C1orf122: variants seen among roughly 807,000 people sequenced by gnomAD.
C1orf122 encodes the protein chromosome 1 open reading frame 122.
C1orf122 carries 12 observed loss-of-function variants against 12.9 expected under a neutral mutation model. That is an observed-to-expected ratio of 0.93 (90% CI 0.60 to 1.51). C1orf122 has a LOEUF of 1.51. Ranked by LOEUF, C1orf122 falls within the 40% of genes most tolerant of loss-of-function variation. C1orf122 has a pLI of 0.00. For missense variants in C1orf122, 144 were observed against 162.1 expected (o/e 0.89, Z 0.61); for synonymous variants, 57 against 73.4 (o/e 0.78, Z 1.14).
chr1:37,809,007 C>T lies in C1orf122; in HGVS notation c.267C>T (p.Pro89=), dbSNP rs145813242. ...GNVSAKPGAP[P]QPAVSARGGF... The stretch of plus-strand genomic sequence containing the variant: ...TCTCAGCCAAACCTGGAGCGCCCCC[C>T]CAGCCGGCTGTCTCCGCCAGAGGCG... Residue 89 remains proline (P), a synonymous_variant, in exon 3 of 3, where the codon CCC becomes CCT. Transcript: ENST00000373042. The T allele has an allele frequency of 1.9e-6, 3 of 1,613,814 alleles. No homozygotes were observed. The highest frequency in any genetic ancestry group is 3.3e-5 in the Admixed American group (2 of 60,030).
rs1007454678 is a variant in C1orf122, at chr1:37,808,113, C to G, written c.-292C>G. ...GCGACCGCTCCGGGAGCCAGCAGGC[C>G]CCTCGCTCAACCCCACGCTGGCAGC... On this transcript the variant is annotated 5_prime_UTR_variant, in exon 1 of 3. Transcript: ENST00000373042. 1 of 1,451,790 alleles carries G rather than the reference C, an allele frequency of 6.9e-7. No homozygotes were observed. Among genetic ancestry groups the G allele is most frequent in the African/African-American group, 1.5e-5 (1 of 67,826 alleles). 89.9% of individuals were successfully genotyped at this position (1,451,790 alleles called of 1,614,324 possible).
In C1orf122 at chr1:37,808,459, G is replaced by A; in HGVS notation, c.35+20G>A. The A allele has an allele frequency of 1.6e-6, 2 of 1,278,366 alleles. No individual in the cohort carries two copies. Among genetic ancestry groups the A allele is most frequent in the Non-Finnish European group, 2.0e-6 (2 of 1,013,690 alleles). 79.2% of individuals were successfully genotyped at this position (1,278,366 alleles called of 1,614,324 possible). A position where few individuals can be genotyped will look rare whatever the true frequency, so the allele number is the denominator to read the frequency against. On this transcript the variant is annotated intron_variant, in intron 1 of 2. Coordinates refer to ENST00000373042, the MANE Select transcript of C1orf122 (RefSeq NM_198446.3). ...ACGGGGGTGAGAGGGGGCCCGTCGG[G>A]GCGGGAGGAAGGGGCTTGGCCCCGC...
rs538389239 is a variant in C1orf122 at position 37,808,165 on chromosome 1, G to A, written c.-240G>A. On this transcript the variant is annotated 5_prime_UTR_variant, in exon 1 of 3. Coordinates refer to ENST00000373042, the MANE Select transcript of C1orf122 (RefSeq NM_198446.3). ...ACCGCGGCCCTCATCCCCCTGCACC[G>A]ACGCGCCGGAGACATCCGCCCAGGC... 4.2e-5 allele frequency: 61 copies of A among 1,458,046 alleles called. No individual in the cohort carries two copies. The African/African-American group carries it at 7.6e-4, about 18-fold the overall frequency. 90.3% of individuals were successfully genotyped at this position (1,458,046 alleles called of 1,614,324 possible). A position where few individuals can be genotyped will look rare whatever the true frequency, so the allele number is the denominator to read the frequency against.
At position 37,808,232 on chromosome 1, in the gene C1orf122, C is replaced by A; in HGVS notation, c.-173C>A. 1.4e-6 allele frequency: 2 copies of A among 1,379,316 alleles called. No homozygotes were observed. The highest frequency in any genetic ancestry group is 1.6e-5 in the South Asian group (1 of 63,274). 85.4% of individuals were successfully genotyped at this position (1,379,316 alleles called of 1,614,324 possible). On this transcript the variant is annotated 5_prime_UTR_variant, in exon 1 of 3. Coordinates refer to ENST00000373042, the MANE Select transcript of C1orf122 (RefSeq NM_198446.3). Reference sequence around the variant, plus strand: ...GTGACGCTCCCAGCCAGCTTCCGGTCCAGGAGACTCGGCCCCGCCTCTGCG... The same window carrying A: ...GTGACGCTCCCAGCCAGCTTCCGGTACAGGAGACTCGGCCCCGCCTCTGCG...
rs1228773127 is a variant in C1orf122, at chr1:37,808,513, T to A, written c.36-18T>A. The A allele has an allele frequency of 1.6e-6, 2 of 1,288,614 alleles. No homozygotes were observed. The highest frequency in any genetic ancestry group is 3.1e-5 in the African/African-American group (2 of 64,624). The allele number at this position is 1,288,614 out of a possible 1,614,324, so 79.8% of individuals were successfully genotyped here. ...AGCGCCGGCCCTGACCGTCTGTCTC[T>A]CGCTCTCTCCCGGGCAGGGAGGCTG... On this transcript the variant is annotated intron_variant, in intron 1 of 2. Transcript: ENST00000373042.
Position 37,807,817 on chromosome 1 carries a change from G to C in C1orf122, c.-588G>C, listed in dbSNP as rs74441145. On this transcript the variant is annotated 5_prime_UTR_variant, in exon 1 of 3. Coordinates refer to ENST00000373042, the MANE Select transcript of C1orf122 (RefSeq NM_198446.3). ...CTGTAGACGTCGGCCACGCGGCCGA[G>C]GCATACGGCCAGAGGCTTGGCCTCG... 3.4e-5 allele frequency: 51 copies of C among 1,512,032 alleles called. No individual in the cohort carries two copies. In the East Asian group the frequency reaches 1.0e-3, roughly 31 times the overall value. The allele number at this position is 1,512,032 out of a possible 1,614,324, so 93.7% of individuals were successfully genotyped here. A position where few individuals can be genotyped will look rare whatever the true frequency, so the allele number is the denominator to read the frequency against.
Position 37,809,360 on chromosome 1 carries a change from G to A in C1orf122, c.*287G>A, listed in dbSNP as rs1640658620. ...GGTCTGGCCTGCTATGGGGGATCCAGGTGGTGTTACATGTCCATTTCATGT... is the reference window on the plus strand; with the variant it reads ...GGTCTGGCCTGCTATGGGGGATCCAAGTGGTGTTACATGTCCATTTCATGT... On this transcript the variant is annotated 3_prime_UTR_variant, in exon 3 of 3. Transcript: ENST00000373042. The A allele has an allele frequency of 4.1e-6, 2 of 493,488 alleles. No homozygotes were observed. Among genetic ancestry groups the A allele is most frequent in the East Asian group, 3.8e-5 (1 of 26,376 alleles). The allele number at this position is 493,488 out of a possible 1,614,324, so 30.6% of individuals were successfully genotyped here. A position where few individuals can be genotyped will look rare whatever the true frequency, so the allele number is the denominator to read the frequency against.
Position 37,808,677 on chromosome 1 carries a change from G to A in C1orf122, c.182G>A (p.Cys61Tyr). 1 of 1,418,160 alleles carries A rather than the reference G, an allele frequency of 7.1e-7. No individual in the cohort carries two copies. The highest frequency in any genetic ancestry group is 9.1e-7 in the Non-Finnish European group (1 of 1,097,362). 87.8% of individuals were successfully genotyped at this position (1,418,160 alleles called of 1,614,324 possible). A position where few individuals can be genotyped will look rare whatever the true frequency, so the allele number is the denominator to read the frequency against. The change falls in exon 2 of 3, where the codon TGC becomes TAC. Residue 61 changes from cysteine to tyrosine, a missense_variant. By Grantham distance (194) the Cys-to-Tyr change is radical. Coordinates refer to ENST00000373042, the MANE Select transcript of C1orf122 (RefSeq NM_198446.3). ...CAGCTCCTGGACACCATCGCAGCCT[G>A]CGAGGAGATGTTACGGCAGCTGGGC... ...QRQLLDTIAA[C>Y]EEMLRQLGRR...
chr1:37,808,529 A>G lies in C1orf122; in HGVS notation c.36-2A>G, dbSNP rs1646760801. 4 of 1,300,840 alleles carry G rather than the reference A, an allele frequency of 3.1e-6. No individual in the cohort carries two copies. The allele number at this position is 1,300,840 out of a possible 1,614,324, so 80.6% of individuals were successfully genotyped here. On this transcript the variant is annotated splice_acceptor_variant, in intron 1 of 2. Coordinates refer to ENST00000373042, the MANE Select transcript of C1orf122 (RefSeq NM_198446.3). LOFTEE classifies it high-confidence loss of function. ...GTCTGTCTCTCGCTCTCTCCCGGGC[A>G]GGGAGGCTGCCGGCGTGGACCGCGG...
chr1:37,807,915 G>T lies in C1orf122; in HGVS notation c.-490G>T, dbSNP rs1215012267. Reference sequence around the variant, plus strand: ...CGCCGCGCAGGCCAGGCCGTACAGCGTATCGGTGGGGACGGCCACCACGGC... The same window carrying T: ...CGCCGCGCAGGCCAGGCCGTACAGCTTATCGGTGGGGACGGCCACCACGGC... On this transcript the variant is annotated 5_prime_UTR_variant, in exon 1 of 3. Coordinates refer to ENST00000373042, the MANE Select transcript of C1orf122 (RefSeq NM_198446.3). 7.7e-7 allele frequency: 1 copy of T among 1,301,228 alleles called. No homozygotes were observed. Among genetic ancestry groups the T allele is most frequent in the African/African-American group, 1.5e-5 (1 of 65,538 alleles). The allele number at this position is 1,301,228 out of a possible 1,614,324, so 80.6% of individuals were successfully genotyped here.
In C1orf122 at chr1:37,809,388, T is replaced by C; in HGVS notation, c.*315T>C. ...GGTGTTACATGTCCATTTCATGTTT[T>C]GGGGGCTTTTAGCCCCACAAAACAC... On this transcript the variant is annotated 3_prime_UTR_variant, in exon 3 of 3. Coordinates refer to ENST00000373042, the MANE Select transcript of C1orf122 (RefSeq NM_198446.3). The C allele has an allele frequency of 2.5e-6, 1 of 407,790 alleles. No homozygotes were observed. Among genetic ancestry groups the C allele is most frequent in the East Asian group, 5.4e-5 (1 of 18,392 alleles). The allele number at this position is 407,790 out of a possible 1,614,324, so 25.3% of individuals were successfully genotyped here.
In C1orf122 at chr1:37,808,108, C is replaced by T. The variant is rs1646754597; in HGVS notation, c.-297C>T. On this transcript the variant is annotated 5_prime_UTR_variant, in exon 1 of 3. Coordinates refer to ENST00000373042, the MANE Select transcript of C1orf122 (RefSeq NM_198446.3). ...AAGAGGCGACCGCTCCGGGAGCCAG[C>T]AGGCCCCTCGCTCAACCCCACGCTG... 2.1e-6 allele frequency: 3 copies of T among 1,440,896 alleles called. No individual in the cohort carries two copies. The highest frequency in any genetic ancestry group is 1.4e-5 in the South Asian group (1 of 73,520). 89.3% of individuals were successfully genotyped at this position (1,440,896 alleles called of 1,614,324 possible). A position where few individuals can be genotyped will look rare whatever the true frequency, so the allele number is the denominator to read the frequency against.
Position 37,808,331 on chromosome 1 carries a change from T to C in C1orf122, c.-74T>C. 7.8e-7 allele frequency: 1 copy of C among 1,281,534 alleles called. No individual in the cohort carries two copies. The highest frequency in any genetic ancestry group is 3.1e-5 in the East Asian group (1 of 31,794). The allele number at this position is 1,281,534 out of a possible 1,614,324, so 79.4% of individuals were successfully genotyped here. A position where few individuals can be genotyped will look rare whatever the true frequency, so the allele number is the denominator to read the frequency against. Reference sequence around the variant, plus strand: ...GGTGGGGACGGGGCGGGGCGCAGCCTTGCGAAGCCCTAACGCAGCGCTGGG... The same window carrying C: ...GGTGGGGACGGGGCGGGGCGCAGCCCTGCGAAGCCCTAACGCAGCGCTGGG... On this transcript the variant is annotated 5_prime_UTR_variant, in exon 1 of 3. Transcript: ENST00000373042.
Position 37,808,228 on chromosome 1 carries a change from C to T in C1orf122, c.-177C>T. The T allele has an allele frequency of 7.2e-7, 1 of 1,393,698 alleles. No homozygotes were observed. The highest frequency in any genetic ancestry group is 9.3e-7 in the Non-Finnish European group (1 of 1,077,782). The allele number at this position is 1,393,698 out of a possible 1,614,324, so 86.3% of individuals were successfully genotyped here. A position where few individuals can be genotyped will look rare whatever the true frequency, so the allele number is the denominator to read the frequency against. On this transcript the variant is annotated 5_prime_UTR_variant, in exon 1 of 3. Coordinates refer to ENST00000373042, the MANE Select transcript of C1orf122 (RefSeq NM_198446.3). ...GGAAGTGACGCTCCCAGCCAGCTTC[C>T]GGTCCAGGAGACTCGGCCCCGCCTC...
Position 37,808,745 on chromosome 1 carries a change from C to G in C1orf122, c.237+13C>G. ...GGCTGGTGGCGGGGTTAGTGCCCAC[C>G]CTGGGCTGGGCTGGGGTGGGGTGGG... On this transcript the variant is annotated intron_variant, in intron 2 of 2. Transcript: ENST00000373042. 1 of 1,443,412 alleles carries G rather than the reference C, an allele frequency of 6.9e-7. No individual in the cohort carries two copies. The highest frequency in any genetic ancestry group is 9.0e-7 in the Non-Finnish European group (1 of 1,111,120). The allele number at this position is 1,443,412 out of a possible 1,614,324, so 89.4% of individuals were successfully genotyped here. A position where few individuals can be genotyped will look rare whatever the true frequency, so the allele number is the denominator to read the frequency against.
At position 37,807,801 on chromosome 1, in the gene C1orf122, T is replaced by G. The variant is rs1285201383; in HGVS notation, c.-604T>G. ...GTCGGGGCGGCCTTACCTGTAGACG[T>G]CGGCCACGCGGCCGAGGCATACGGC... On this transcript the variant is annotated 5_prime_UTR_variant, in exon 1 of 3. Transcript: ENST00000373042. 6.6e-7 allele frequency: 1 copy of G among 1,509,148 alleles called. No homozygotes were observed. The highest frequency in any genetic ancestry group is 1.4e-5 in the African/African-American group (1 of 70,808). The allele number at this position is 1,509,148 out of a possible 1,614,324, so 93.5% of individuals were successfully genotyped here.
chr1:37,808,797 G>C (rs919935350), intron 2 of C1orf122, 65 bp downstream of exon 2: 3 of 1,468,828 alleles, frequency 2.0e-6, no homozygotes, highest in African/African-American at 2.8e-5. Context: ...GGCTGGCCAA[G>C]CCCTAGCTTA....
At position 37,808,103 on chromosome 1, in the gene C1orf122, G is replaced by A; in HGVS notation, c.-302G>A. 7.0e-7 allele frequency: 1 copy of A among 1,425,976 alleles called. No homozygotes were observed. The highest frequency in any genetic ancestry group is 9.1e-7 in the Non-Finnish European group (1 of 1,093,862). The allele number at this position is 1,425,976 out of a possible 1,614,324, so 88.3% of individuals were successfully genotyped here. On this transcript the variant is annotated 5_prime_UTR_variant, in exon 1 of 3. Transcript: ENST00000373042. The stretch of plus-strand genomic sequence containing the variant: ...GGCGGAAGAGGCGACCGCTCCGGGA[G>A]CCAGCAGGCCCCTCGCTCAACCCCA...
chr1:37,807,925 G>C lies in C1orf122; in HGVS notation c.-480G>C. On this transcript the variant is annotated 5_prime_UTR_variant, in exon 1 of 3. Coordinates refer to ENST00000373042, the MANE Select transcript of C1orf122 (RefSeq NM_198446.3). ...GCCAGGCCGTACAGCGTATCGGTGG[G>C]GACGGCCACCACGGCGCCGGCGCGC... 1 of 1,269,368 alleles carries C rather than the reference G, an allele frequency of 7.9e-7. No homozygotes were observed. The highest frequency in any genetic ancestry group is 9.9e-7 in the Non-Finnish European group (1 of 1,005,842). The allele number at this position is 1,269,368 out of a possible 1,614,324, so 78.6% of individuals were successfully genotyped here.
Sources: gnomAD v4.1 joint callset for allele counts on GRCh38, gnomAD v4.1.1 for gene constraint, MANE v1.5 for transcripts, NCBI Gene and HGNC (gene_info 2026-07-23, HGNC 2026-07-21) for gene names.